Variants in PLCB4 observed in about 807,000 individuals in gnomAD.
The protein encoded by PLCB4 is 1-phosphatidylinositol 4,5-bisphosphate phosphodiesterase beta-4.
In PLCB4, 77 loss-of-function variants were observed where a neutral mutation model predicts 178.8. The observed-to-expected ratio is 0.43, with a 90% CI of 0.36 to 0.52. The LOEUF (loss-of-function observed/expected upper bound fraction) is 0.52. PLCB4 is among the 20% of genes least tolerant of loss of function. PLCB4 has a pLI of 0.00. For missense variants in PLCB4, 1,024 were observed against 1,453.4 expected (o/e 0.70, Z 4.80); for synonymous variants, 496 against 490.8 (o/e 1.01, Z -0.14).
Position 9,209,837 on chromosome 20 carries a change from G to A in PLCB4, c.-78-7553G>A, listed in dbSNP as rs563860352. On this transcript the variant is annotated intron_variant, in intron 2 of 39. Transcript: ENST00000378473. ...AAATTAGCCGGGCGTGGTGGCGGGC[G>A]CCTGTAGTCCCAGTTACTCGGGAAG... Among the ~76,000 whole-genome samples the A allele has an allele frequency of 1.4e-4, 22 of 151,866 alleles. No homozygotes were observed. The South Asian group carries it at 3.5e-3, about 24-fold the overall frequency.
intron 25 of PLCB4, among the ~76,000 whole-genome samples, chr20:9,419,441 T>C (rs901031437): frequency 6.6e-6 from 1 of 152,232 alleles, no homozygotes; most frequent in African/African-American, 2.4e-5. Context: ...CAAGTACAAT[T>C]AATACAGAGG....
At chr20:9,161,697 A>AT (rs1213086748) in intron 2 of PLCB4, among the ~76,000 whole-genome samples, 2 of 152,012 alleles carry the variant, frequency 1.3e-5, no homozygotes, top group Admixed American at 6.6e-5. Flanking sequence ...GACTTTGTAT[A>AT]TTTTTTTTCT....
chr20:9,366,881 A>G (rs1314008085), intron 9 of PLCB4, among the ~76,000 whole-genome samples: 1 of 152,238 alleles, frequency 6.6e-6, no homozygotes, highest in East Asian at 1.9e-4. Context: ...ATCAACAAAT[A>G]ATAACAAACA....
chr20:9,286,336 G>C (rs1234218777), intron 3 of PLCB4, among the ~76,000 whole-genome samples: 2 of 151,960 alleles, frequency 1.3e-5, no homozygotes, highest in Admixed American at 1.3e-4. Flanking sequence ...TAAAAGTTTT[G>C]CTGAAGAAGT....
chr20:9,439,334 T>C (rs1330496833), intron 30 of PLCB4, among the ~76,000 whole-genome samples: 2 of 152,180 alleles, frequency 1.3e-5, no homozygotes, highest in African/African-American at 4.8e-5. Context: ...CTTGTTCATA[T>C]GGTACTCCCT....
intron 2 of PLCB4, among the ~76,000 whole-genome samples, chr20:9,185,310 G>GTT (rs11481220): frequency 2.7e-5 from 4 of 149,790 alleles, no homozygotes; most frequent in African/African-American, 9.8e-5. Flanking sequence ...ATTTTCTATA[G>GTT]TTTTTTTTTT....
At chr20:9,335,811 G>A (rs2032374412) in intron 4 of PLCB4, among the ~76,000 whole-genome samples, 1 of 152,094 alleles carries the variant, frequency 6.6e-6, no homozygotes, top group African/African-American at 2.4e-5. Context: ...CTTATTCATG[G>A]CAATGACAGC....
chr20:9,271,964 C>A (rs1292831678), intron 3 of PLCB4, among the ~76,000 whole-genome samples: 1 of 151,476 alleles, frequency 6.6e-6, no homozygotes. Context: ...ATTGTTGAGC[C>A]CAGGAGTTCA....
At chr20:9,261,638 T>C (rs1342844724) in intron 3 of PLCB4, among the ~76,000 whole-genome samples, 1 of 152,226 alleles carries the variant, frequency 6.6e-6, no homozygotes, top group Non-Finnish European at 1.5e-5. Context: ...CTTCTTCTTT[T>C]ACTTGACTTT....
intron 2 of PLCB4, among the ~76,000 whole-genome samples, chr20:9,126,792 AG>A (rs2092126604): frequency 9.1e-5 from 9 of 99,372 alleles, no homozygotes; most frequent in African/African-American, 3.5e-4. Context: ...TTTTTTTTTG[AG>A]GTCTGAAAAA....
intron 3 of PLCB4, among the ~76,000 whole-genome samples, chr20:9,290,345 G>C (rs1007058162): frequency 2.0e-5 from 3 of 152,020 alleles, no homozygotes; most frequent in Non-Finnish European, 4.4e-5. Context: ...CTGCGGATAT[G>C]GTTTGAATTA....
chr20:9,438,364 TTAAA>T (rs201972050), intron 30 of PLCB4, among the ~76,000 whole-genome samples: 2,957 of 145,618 alleles, frequency 0.02, 81 homozygotes, highest in African/African-American at 0.072. Flanking sequence ...AGACTATATC[TTAAA>T]AAAAAAAAAA....
At chr20:9,098,134 A>G (rs1167464230) in intron 2 of PLCB4, among the ~76,000 whole-genome samples, 1 of 152,164 alleles carries the variant, frequency 6.6e-6, no homozygotes, top group Non-Finnish European at 1.5e-5. Context: ...TTCTCAGATT[A>G]TTTATTTAAA....
intron 2 of PLCB4, among the ~76,000 whole-genome samples, chr20:9,107,177 T>C (rs2091396791): frequency 1.3e-5 from 2 of 152,164 alleles, no homozygotes; most frequent in African/African-American, 2.4e-5. Context: ...AACCAGGTTA[T>C]AGTGGAGCAT....
chr20:9,269,580 TTGAACGTTTC>T (rs2147608377), intron 3 of PLCB4, among the ~76,000 whole-genome samples: 1 of 152,274 alleles, frequency 6.6e-6, no homozygotes, highest in East Asian at 1.9e-4. Context: ...TGGATTTAAA[TTGAACGTTTC>T]TGAAACTTCT....
chr20:9,150,014 C>A (rs1462755275), intron 2 of PLCB4, among the ~76,000 whole-genome samples: 2 of 152,128 alleles, frequency 1.3e-5, no homozygotes, highest in Non-Finnish European at 2.9e-5. Flanking sequence ...CAGCTTCCTC[C>A]AGCTGAGGGA....
intron 2 of PLCB4, among the ~76,000 whole-genome samples, chr20:9,149,401 A>C (rs543695051): frequency 1.3e-5 from 2 of 152,252 alleles, no homozygotes; most frequent in Admixed American, 6.5e-5. Flanking sequence ...TCATTCTCAC[A>C]TCTGTAACAA....
intron 35 of PLCB4, among the ~76,000 whole-genome samples, chr20:9,467,156 A>T (rs773121797): frequency 2.0e-4 from 31 of 152,344 alleles, no homozygotes; most frequent in Non-Finnish European, 3.8e-4. Context: ...GGAAACCATC[A>T]TTCTCAGCAA....
chr20:9,167,082 G>A (rs1188908257), intron 2 of PLCB4, among the ~76,000 whole-genome samples: 3 of 151,970 alleles, frequency 2.0e-5, no homozygotes, highest in Non-Finnish European at 4.4e-5. Flanking sequence ...CTCGAATAGA[G>A]TTTTCCATAA....
Sources: allele counts gnomAD v4.1 joint callset (sites outside exome capture counted in the v4.1 genomes callset), GRCh38; gene constraint gnomAD v4.1.1; transcripts MANE v1.5; gene names NCBI Gene and HGNC (gene_info 2026-07-23, HGNC 2026-07-21).